Variants in INTS8 observed in about 807,000 individuals in gnomAD.
INTS8 encodes integrator complex subunit 8.
In INTS8, 47 loss-of-function variants were observed where a neutral mutation model predicts 138.9. That is an observed-to-expected ratio of 0.34 (90% CI 0.27 to 0.43). The LOEUF (loss-of-function observed/expected upper bound fraction) is 0.43. Among genes scored for constraint, INTS8 ranks in the 20% least tolerant of loss-of-function variants. The pLI is 1.00. For missense variants in INTS8, 996 were observed against 1,173.0 expected, an observed-to-expected ratio of 0.85 and a Z score of 2.20; for synonymous variants, 392 against 400.9, an observed-to-expected ratio of 0.98 and a Z score of 0.27.
intron 2 of INTS8, 140 bp from the exon 3 acceptor site, chr8:94,827,123 C>A: frequency 1.4e-6 from 1 of 728,984 alleles, no homozygotes; most frequent in Non-Finnish European, 2.2e-6. Flanking sequence ...GAAAAAAAAA[C>A]TTTTTCACAT....
intron 5 of INTS8, among the ~76,000 whole-genome samples, chr8:94,829,657 G>A (rs1176957389): frequency 1.3e-5 from 2 of 152,112 alleles, no homozygotes; most frequent in Non-Finnish European, 2.9e-5. Flanking sequence ...TGAGAGTTGT[G>A]AAGGTCTAAG....
At chr8:94,859,251 A>C (rs939612996) in intron 15 of INTS8, among the ~76,000 whole-genome samples, 17 of 151,390 alleles carry the variant, frequency 1.1e-4, no homozygotes, top group African/African-American at 3.6e-4. Flanking sequence ...ACTGCACTCT[A>C]TCCTGGGCGA....
chr8:94,876,944 C>T (rs1400671966), intron 26 of INTS8, among the ~76,000 whole-genome samples: 1 of 152,178 alleles, frequency 6.6e-6, no homozygotes, highest in African/African-American at 2.4e-5. Flanking sequence ...CGTCAATCAT[C>T]CTTTCCTGAT....
intron 22 of INTS8, 54 bp downstream of exon 22, chr8:94,873,531 C>A: frequency 8.7e-7 from 1 of 1,153,544 alleles, no homozygotes; most frequent in South Asian, 1.3e-5. Context: ...TATGTTCTTC[C>A]TGGGTCCCCT....
chr8:94,879,128 C>A (rs12679044), intron 26 of INTS8, among the ~76,000 whole-genome samples: 81,549 of 151,966 alleles, frequency 0.54, 22,114 homozygotes, highest in East Asian at 0.73. Flanking sequence ...TTTGGGATAC[C>A]TGTTTGAAAC....
At chr8:94,875,846 T>C (rs116768757) in intron 23 of INTS8, 296 of 449,586 alleles carry the variant, frequency 6.6e-4, no homozygotes, top group African/African-American at 5.4e-3. Context: ...TTTTGCCAGC[T>C]TCTCATTCAA....
At chr8:94,826,817 G>T (rs73269198) in intron 2 of INTS8, among the ~76,000 whole-genome samples, 1 of 152,008 alleles carries the variant, frequency 6.6e-6, no homozygotes, top group East Asian at 1.9e-4. Context: ...AAATCTTTTC[G>T]CATTTAAGCC....
chr8:94,829,619 A>G (rs1427029549), intron 5 of INTS8, among the ~76,000 whole-genome samples: 3 of 152,244 alleles, frequency 2.0e-5, no homozygotes, highest in African/African-American at 7.2e-5. Context: ...TATACCATTT[A>G]TAGATGTGTC....
intron 2 of INTS8, among the ~76,000 whole-genome samples, chr8:94,825,415 G>T (rs1052086784): frequency 2.0e-5 from 3 of 148,602 alleles, no homozygotes; most frequent in Non-Finnish European, 4.4e-5. Flanking sequence ...CTGGGCGATA[G>T]AGTAAGACTC....
intron 1 of INTS8, among the ~76,000 whole-genome samples, chr8:94,824,079 T>C (rs11776687): frequency 0.19 from 28,422 of 152,190 alleles, 2,798 homozygotes; most frequent in Middle Eastern, 0.28. Context: ...TCTTTGAAAG[T>C]AGGAACTGCT....
chr8:94,849,918 A>G lies in INTS8; in HGVS notation c.1334A>G (p.Asn445Ser). ...TACAATATTTCTTACTGATCTAGGA[A>G]TGTGTGTCTGGGGTTGGAAGATCTG... ...LKGNMAAFLKNVCLGLEDLQY... is the reference protein window; with the variant it reads ...LKGNMAAFLKSVCLGLEDLQY... The change falls in exon 12 of 27, where the codon AAT (asparagine) becomes AGT (serine). Residue 445 changes from asparagine to serine, a missense_variant and splice_region_variant. Physicochemically the swap from Asn to Ser is conservative, Grantham distance 46 (BLOSUM62 1). Coordinates refer to ENST00000523731, the MANE Select transcript of INTS8 (RefSeq NM_017864.4). 6.2e-7 allele frequency: 1 copy of G among 1,605,498 alleles called. No individual in the cohort carries two copies. The highest frequency in any genetic ancestry group is 1.3e-5 in the African/African-American group (1 of 74,730).
intron 12 of INTS8, among the ~76,000 whole-genome samples, chr8:94,850,821 CTTGT>C (rs1815515197): frequency 6.6e-6 from 1 of 151,862 alleles, no homozygotes; most frequent in African/African-American, 2.4e-5. Context: ...CTGTTTTTGC[CTTGT>C]TTGATTTTTT....
intron 16 of INTS8, among the ~76,000 whole-genome samples, chr8:94,860,800 A>G (rs1321767391): frequency 1.3e-5 from 2 of 151,908 alleles, no homozygotes. Flanking sequence ...TCACGCCTGC[A>G]ATCCCAGCAC....
At chr8:94,833,370 TA>T (rs80135616) in intron 6 of INTS8, among the ~76,000 whole-genome samples, 27 of 147,496 alleles carry the variant, frequency 1.8e-4, no homozygotes, top group Middle Eastern at 3.5e-3. Context: ...ACCCTTTTTG[TA>T]AAAAAAAAAA....
At position 94,849,973 on chromosome 8, in the gene INTS8, G is replaced by A; in HGVS notation, c.1389G>A (p.Glu463=). The A allele has an allele frequency of 6.2e-7, 1 of 1,612,850 alleles. No homozygotes were observed. The highest frequency in any genetic ancestry group is 1.1e-5 in the South Asian group (1 of 90,934). The change falls in exon 12 of 27, where the codon GAG becomes GAA. Residue 463 remains glutamate, a synonymous_variant. Coordinates refer to ENST00000523731, the MANE Select transcript of INTS8 (RefSeq NM_017864.4). ...LQYVFMISSH[E]LFITLLKDEE... ...ATGTTTTCATGATTTCTTCACATGA[G>A]CTTTTCATTACATTGTTGAAAGATG...
In INTS8 at chr8:94,827,775, G is replaced by C. The variant is rs1385835112; in HGVS notation, c.500G>C (p.Gly167Ala). 6.2e-7 allele frequency: 1 copy of C among 1,613,924 alleles called. No individual in the cohort carries two copies. The highest frequency in any genetic ancestry group is 1.3e-5 in the African/African-American group (1 of 74,934). Residue 167 changes from glycine to alanine, a missense_variant, in exon 4 of 27, where the codon GGA (glycine) becomes GCA (alanine). Physicochemically the swap from Gly to Ala is moderately conservative, Grantham distance 60. Coordinates refer to ENST00000523731, the MANE Select transcript of INTS8 (RefSeq NM_017864.4). ...TTTCCAGTCAAACAGGCAAAACCCG[G>C]ACCCCCTCAGTTAAGTGTGTAAGTT... The part of the protein sequence containing the change: ...SSFPVKQAKP[G>A]PPQLSVMNQM...
intron 16 of INTS8, among the ~76,000 whole-genome samples, chr8:94,861,011 G>T (rs1331786349): frequency 2.0e-5 from 3 of 148,756 alleles, no homozygotes; most frequent in African/African-American, 7.4e-5. Context: ...GAGCCGAGAT[G>T]GCGCCACTGC....
In INTS8 at chr8:94,876,306, G is replaced by T. The variant is rs776248882; in HGVS notation, c.2827+21G>T. The T allele has an allele frequency of 1.9e-6, 3 of 1,579,754 alleles. No homozygotes were observed. In the South Asian group the frequency reaches 3.3e-5, roughly 18 times the overall value. On this transcript the variant is annotated intron_variant, in intron 25 of 26. Coordinates refer to ENST00000523731, the MANE Select transcript of INTS8 (RefSeq NM_017864.4). ...GACTTGTATCCTTTCATCCATGTGT[G>T]TGATGTTAGAATGATCCATTTTTAT...
chr8:94,861,348 G>A (rs1352127172), intron 16 of INTS8, among the ~76,000 whole-genome samples: 3 of 124,644 alleles, frequency 2.4e-5, no homozygotes, highest in East Asian at 2.9e-4. Context: ...TGCCAGCTCC[G>A]CCTCCCGGGT....
Sources: gnomAD v4.1 joint callset for allele counts (sites outside exome capture counted in the v4.1 genomes callset) on GRCh38, gnomAD v4.1.1 for gene constraint, MANE v1.5 for transcripts, NCBI Gene and HGNC (gene_info 2026-07-23, HGNC 2026-07-21) for gene names.